The following HLF variants were observed in gnomAD, a reference collection of about 807,000 sequenced individuals.
The protein encoded by HLF is hepatic leukemia factor.
In HLF, 3 loss-of-function variants were observed where a neutral mutation model predicts 22.6. That is an observed-to-expected ratio of 0.13 (90% CI 0.06 to 0.34). HLF has a LOEUF of 0.34. Ranked by LOEUF, HLF falls within the 10% of genes least tolerant of loss-of-function variation. The pLI, the probability that HLF is intolerant of heterozygous loss-of-function variation, is 1.00. For synonymous variants in HLF, 151 were observed against 151.8 expected, an observed-to-expected ratio of 0.99 and a Z score of 0.04; for missense variants, 299 against 389.2, an observed-to-expected ratio of 0.77 and a Z score of 1.95.
chr17:55,301,516 G>T (rs554752607), intron 2 of HLF, among the ~76,000 whole-genome samples: 1 of 152,208 alleles, frequency 6.6e-6, no homozygotes, highest in African/African-American at 2.4e-5. Flanking sequence ...AGGAATTGTC[G>T]CCAACATTGG....
At chr17:55,267,451 T>C in intron 1 of HLF, 1 of 277,310 alleles carries the variant, frequency 3.6e-6, no homozygotes, top group Non-Finnish European at 6.7e-6. Flanking sequence ...GTTTAAGTTA[T>C]TACTCTTCTC....
At chr17:55,309,647 C>A (rs2145363078) in intron 2 of HLF, among the ~76,000 whole-genome samples, 1 of 152,282 alleles carries the variant, frequency 6.6e-6, no homozygotes, top group African/African-American at 2.4e-5. Context: ...TAAAGGAAAC[C>A]CTTTGGCCAA....
intron 2 of HLF, among the ~76,000 whole-genome samples, chr17:55,301,358 A>T (rs1353154124): frequency 6.6e-6 from 1 of 152,270 alleles, no homozygotes; most frequent in Non-Finnish European, 1.5e-5. Context: ...GAATGTCTTA[A>T]TCAACAAAGA....
At chr17:55,304,531 C>T (rs1904453765) in intron 2 of HLF, among the ~76,000 whole-genome samples, 1 of 152,206 alleles carries the variant, frequency 6.6e-6, no homozygotes, top group South Asian at 2.1e-4. Flanking sequence ...ATGGTAAACA[C>T]CACTGGAATG....
intron 2 of HLF, among the ~76,000 whole-genome samples, chr17:55,301,807 G>A (rs942096247): frequency 3.9e-5 from 6 of 152,236 alleles, no homozygotes; most frequent in African/African-American, 1.4e-4. Flanking sequence ...GGGATTGCAG[G>A]TGGCAGAGAC....
At chr17:55,302,989 A>G (rs1458609969) in intron 2 of HLF, among the ~76,000 whole-genome samples, 2 of 152,252 alleles carry the variant, frequency 1.3e-5, no homozygotes, top group Non-Finnish European at 2.9e-5. Context: ...TTAGGAGGGC[A>G]GAATGAGGCT....
intron 2 of HLF, among the ~76,000 whole-genome samples, chr17:55,299,611 A>G (rs1485774623): frequency 6.6e-6 from 1 of 152,204 alleles, no homozygotes; most frequent in Non-Finnish European, 1.5e-5. Flanking sequence ...TCCAAGAAGC[A>G]TGTCATCACC....
At chr17:55,307,620 C>T (rs1904641950) in intron 2 of HLF, among the ~76,000 whole-genome samples, 1 of 152,046 alleles carries the variant, frequency 6.6e-6, no homozygotes, top group Non-Finnish European at 1.5e-5. Context: ...GCCCCTGTTC[C>T]TCCCAAAAGT....
chr17:55,275,633 C>T lies in HLF; in HGVS notation c.451+7547C>T, dbSNP rs527998799. Among the ~76,000 whole-genome samples the T allele has an allele frequency of 1.1e-4, 17 of 152,318 alleles. No homozygotes were observed. The South Asian group carries it at 3.5e-3, about 32-fold the overall frequency. On this transcript the variant is annotated intron_variant, in intron 2 of 3. Transcript: ENST00000226067. ...AAGCATTCCAGAATAATAATTCCTC[C>T]TCTCCCCAAGGGGTTCTTTAATGAG...
chr17:55,299,432 AC>A (rs2081137550), intron 2 of HLF, among the ~76,000 whole-genome samples: 1 of 152,168 alleles, frequency 6.6e-6, no homozygotes, highest in South Asian at 2.1e-4. Context: ...CACTCTCCAG[AC>A]ATGAAATTTA....
chr17:55,324,851 A>G lies in HLF; in HGVS notation c.*3972A>G. The G allele has an allele frequency of 4.3e-6, 1 of 233,326 alleles. No homozygotes were observed. The allele number at this position is 233,326 out of a possible 1,614,324, so 14.5% of individuals were successfully genotyped here. A position where few individuals can be genotyped will look rare whatever the true frequency, so the allele number is the denominator to read the frequency against. On this transcript the variant is annotated 3_prime_UTR_variant, in exon 4 of 4. Transcript: ENST00000226067. ...TGTGTATGTGTGTGAATAAGTCGAC[A>G]TAAAGTCTTTAATTTTGAGCACCTT...
At chr17:55,294,191 A>G (rs978259453) in intron 2 of HLF, among the ~76,000 whole-genome samples, 10 of 152,216 alleles carry the variant, frequency 6.6e-5, no homozygotes, top group South Asian at 2.1e-4. Context: ...GGCACAGTCC[A>G]TATCAGTCAA....
chr17:55,278,589 A>C (rs200559454), intron 2 of HLF, among the ~76,000 whole-genome samples: 1 of 152,208 alleles, frequency 6.6e-6, no homozygotes, highest in East Asian at 1.9e-4. Context: ...GACCAATGGG[A>C]ATCAATGCAG....
intron 2 of HLF, among the ~76,000 whole-genome samples, chr17:55,295,931 A>G (rs932758440): frequency 3.3e-5 from 5 of 152,240 alleles, no homozygotes; most frequent in Admixed American, 1.3e-4. Context: ...GAATGTATTG[A>G]CTAACTGGTA....
intron 2 of HLF, among the ~76,000 whole-genome samples, chr17:55,284,749 C>T (rs1180802941): frequency 6.6e-6 from 1 of 152,166 alleles, no homozygotes; most frequent in Non-Finnish European, 1.5e-5. Flanking sequence ...GGTCCTGGTG[C>T]TCTGCTCCTG....
chr17:55,275,589 T>C (rs2080898005), intron 2 of HLF, among the ~76,000 whole-genome samples: 1 of 152,236 alleles, frequency 6.6e-6, no homozygotes, highest in South Asian at 2.1e-4. Context: ...TCCTCCGGCT[T>C]GCAAGCAAGA....
chr17:55,277,633 G>T (rs1238669113), intron 2 of HLF, among the ~76,000 whole-genome samples: 2 of 151,774 alleles, frequency 1.3e-5, no homozygotes, highest in Non-Finnish European at 2.9e-5. Context: ...ATTGGGGGGG[G>T]TTGGACTGCT....
intron 2 of HLF, among the ~76,000 whole-genome samples, chr17:55,299,548 T>C (rs1567820820): frequency 6.6e-6 from 1 of 152,186 alleles, no homozygotes; most frequent in Non-Finnish European, 1.5e-5. Flanking sequence ...GATGCTCTTA[T>C]GAACACTTCT....
chr17:55,266,888 G>A (rs768264518), intron 1 of HLF: 17 of 744,560 alleles, frequency 2.3e-5, no homozygotes, highest in Non-Finnish European at 2.8e-5. Context: ...CAACATAAAT[G>A]TATAGAATAA....
Sources: gnomAD v4.1 joint callset for allele counts (sites outside exome capture counted in the v4.1 genomes callset) on GRCh38, gnomAD v4.1.1 for gene constraint, MANE v1.5 for transcripts, NCBI Gene and HGNC (gene_info 2026-07-23, HGNC 2026-07-21) for gene names.